Variants in RBFOX1 observed in about 807,000 individuals in gnomAD.
RBFOX1 encodes the protein RNA binding fox-1 homolog 1.
RBFOX1 carries 8 observed loss-of-function variants against 57.7 expected under a neutral mutation model. The observed-to-expected ratio is 0.14, with a 90% CI of 0.08 to 0.25. RBFOX1 has a LOEUF of 0.25. Ranked by LOEUF, RBFOX1 falls within the 10% of genes least tolerant of loss-of-function variation. The pLI is 1.00. For missense variants in RBFOX1, 611 were observed against 548.5 expected, an observed-to-expected ratio of 1.11 and a Z score of -1.14; for synonymous variants, 326 against 222.4, an observed-to-expected ratio of 1.47 and a Z score of -4.15.
chr16:7,046,672 C>T (rs1304849161), intron 3 of RBFOX1, among the ~76,000 whole-genome samples: 2 of 132,668 alleles, frequency 1.5e-5, no homozygotes, highest in African/African-American at 5.7e-5. Context: ...ATGGCATGAT[C>T]TCGGCTCACT....
intron 1 of RBFOX1, among the ~76,000 whole-genome samples, chr16:5,245,213 C>A (rs576699100): frequency 6.6e-6 from 1 of 152,216 alleles, no homozygotes; most frequent in East Asian, 1.9e-4. Flanking sequence ...GGGGAATGTT[C>A]ATGGGATATG....
rs201272211 is a variant in RBFOX1 at position 5,961,485 on chromosome 16, AAC to A, written c.351+94152_351+94153del. On this transcript the variant is annotated intron_variant, in intron 4 of 19. Coordinates refer to the RBFOX1 transcript ENST00000641259. ...CCTTTGTGCTCTTTTGTTTAAAAAA[AAC>A]AAAACAAAACAAAACAATAGTTTAA... Among the ~76,000 whole-genome samples the A allele has an allele frequency of 9.5e-4, 129 of 135,502 alleles. 2 individuals carry two copies. Among genetic ancestry groups the A allele is most frequent in the East Asian group, 7.7e-3 (32 of 4,168 alleles). 88.9% of individuals were successfully genotyped at this position (135,502 alleles called of 152,430 possible).
chr16:6,366,879 A>G (rs962486522), intron 2 of RBFOX1, among the ~76,000 whole-genome samples: 2 of 152,128 alleles, frequency 1.3e-5, no homozygotes, highest in Non-Finnish European at 1.5e-5. Flanking sequence ...GGCTCTCTCT[A>G]TTGGGTCTCA....
At chr16:6,083,164 G>C (rs1406156746) in intron 1 of RBFOX1, among the ~76,000 whole-genome samples, 1 of 152,076 alleles carries the variant, frequency 6.6e-6, no homozygotes, top group Non-Finnish European at 1.5e-5. Context: ...ACCTTGCCCA[G>C]CTAAGTTTTT....
At chr16:5,545,469 A>G (rs1454797607) in intron 2 of RBFOX1, among the ~76,000 whole-genome samples, 1 of 152,186 alleles carries the variant, frequency 6.6e-6, no homozygotes, top group Non-Finnish European at 1.5e-5. Context: ...TGTAAACAAA[A>G]TTTTAGCAAA....
At chr16:7,511,383 C>G (rs1315351816) in intron 4 of RBFOX1, among the ~76,000 whole-genome samples, 3 of 152,150 alleles carry the variant, frequency 2.0e-5, no homozygotes, top group East Asian at 1.9e-4. Context: ...CAACAAAACT[C>G]TCTCATCTTA....
chr16:6,894,268 T>G (rs1305396737), intron 3 of RBFOX1, among the ~76,000 whole-genome samples: 1 of 152,218 alleles, frequency 6.6e-6, no homozygotes, highest in Non-Finnish European at 1.5e-5. Flanking sequence ...CAGCACAGTT[T>G]CATAATATGT....
intron 4 of RBFOX1, among the ~76,000 whole-genome samples, chr16:7,129,615 G>T (rs2069645577): frequency 6.6e-6 from 1 of 152,082 alleles, no homozygotes; most frequent in Non-Finnish European, 1.5e-5. Context: ...GTATGCATCT[G>T]ATTGTTGACT....
chr16:7,083,893 G>A (rs1406890806), intron 4 of RBFOX1, among the ~76,000 whole-genome samples: 1 of 152,040 alleles, frequency 6.6e-6, no homozygotes. Context: ...CTGTGGTGAA[G>A]CTAGGAACCC....
At chr16:5,859,336 A>G (rs1186589193) in intron 3 of RBFOX1, among the ~76,000 whole-genome samples, 1 of 152,220 alleles carries the variant, frequency 6.6e-6, no homozygotes, top group Non-Finnish European at 1.5e-5. Context: ...TTGAACTCAC[A>G]AAACCACAGC....
chr16:6,563,065 G>A (rs1272461546), intron 2 of RBFOX1, among the ~76,000 whole-genome samples: 1 of 151,716 alleles, frequency 6.6e-6, no homozygotes, highest in African/African-American at 2.4e-5. Flanking sequence ...CAGGGGCAGG[G>A]GGCCATGGAG....
intron 1 of RBFOX1, among the ~76,000 whole-genome samples, chr16:5,251,137 C>G (rs998082231): frequency 2.6e-5 from 4 of 152,228 alleles, no homozygotes; most frequent in African/African-American, 9.6e-5. Context: ...TCCCCCCAGC[C>G]CCTGCTAACA....
At chr16:7,543,147 C>G (rs1331779344) in intron 5 of RBFOX1, among the ~76,000 whole-genome samples, 1 of 152,214 alleles carries the variant, frequency 6.6e-6, no homozygotes, top group Non-Finnish European at 1.5e-5. Flanking sequence ...TTAAATCACT[C>G]AGGGTTGGTG....
chr16:5,742,842 G>C (rs1028163925), intron 3 of RBFOX1, among the ~76,000 whole-genome samples: 1 of 152,226 alleles, frequency 6.6e-6, no homozygotes, highest in African/African-American at 2.4e-5. Context: ...TGGGGGCTAA[G>C]AGCTAGCTTG....
intron 4 of RBFOX1, among the ~76,000 whole-genome samples, chr16:7,446,139 A>G (rs2098805839): frequency 6.6e-6 from 1 of 152,188 alleles, no homozygotes; most frequent in Non-Finnish European, 1.5e-5. Flanking sequence ...ACTAATTAAC[A>G]CCAGAGAAGG....
At chr16:5,245,599 C>A (rs991818239) in intron 1 of RBFOX1, among the ~76,000 whole-genome samples, 2 of 152,146 alleles carry the variant, frequency 1.3e-5, no homozygotes, top group African/African-American at 2.4e-5. Context: ...TGCGCACCAC[C>A]ATGCCTGACT....
Position 6,194,432 on chromosome 16 carries a change from G to A in RBFOX1, c.-126-122563G>A, listed in dbSNP as rs564635075. ...CAGGATTATGACCAAGCTTAGTAAC[G>A]TGACTTGTTCCTCTCTGCTCTCAGG... On this transcript the variant is annotated intron_variant, in intron 1 of 15. Coordinates refer to ENST00000550418, the MANE Select transcript of RBFOX1 (RefSeq NM_018723.4). Among the ~76,000 whole-genome samples, 69 of 152,128 alleles carry A rather than the reference G, an allele frequency of 4.5e-4. No homozygotes were observed. In the South Asian group the frequency reaches 0.013, roughly 29 times the overall value.
intron 2 of RBFOX1, among the ~76,000 whole-genome samples, chr16:6,353,018 G>A (rs2086674060): frequency 6.6e-6 from 1 of 152,128 alleles, no homozygotes; most frequent in Non-Finnish European, 1.5e-5. Context: ...GAATAAGAAT[G>A]CTAGTGCTGG....
At chr16:7,025,700 C>A (rs944088249) in intron 3 of RBFOX1, among the ~76,000 whole-genome samples, 12 of 152,066 alleles carry the variant, frequency 7.9e-5, no homozygotes, top group Non-Finnish European at 1.6e-4. Context: ...GCCTCTGGAG[C>A]CTGCCGCACT....
Sources: gnomAD v4.1 joint callset for allele counts (sites outside exome capture counted in the v4.1 genomes callset) on GRCh38, gnomAD v4.1.1 for gene constraint, MANE v1.5 for transcripts, NCBI Gene and HGNC (gene_info 2026-07-23, HGNC 2026-07-21) for gene names.